The following CXCL13 variants were observed in gnomAD, a reference collection of about 807,000 sequenced individuals.
The protein encoded by CXCL13 is C-X-C motif chemokine ligand 13, also known as C-X-C motif chemokine 13.
In CXCL13, 7 loss-of-function variants were observed where a neutral mutation model predicts 12.2. That is an observed-to-expected ratio of 0.57 (90% CI 0.33 to 1.07). The LOEUF is 1.07. Ranked by LOEUF, CXCL13 falls within the 50% of genes least tolerant of loss-of-function variation. The pLI is 0.04. For synonymous variants in CXCL13, 47 were observed against 42.4 expected (o/e 1.11, Z -0.42); for missense variants, 113 against 127.4 (o/e 0.89, Z 0.55).
intron 1 of CXCL13, among the ~76,000 whole-genome samples, chr4:77,531,568 G>T (rs1225705844): frequency 1.3e-5 from 2 of 151,964 alleles, no homozygotes; most frequent in Admixed American, 6.6e-5. Context: ...AGGTCCACTT[G>T]GTGCAGAGCT....
chr4:77,584,675 G>A (rs1726411429), intron 1 of CXCL13, among the ~76,000 whole-genome samples: 1 of 152,156 alleles, frequency 6.6e-6, no homozygotes, highest in African/African-American at 2.4e-5. Context: ...GAAGGAGCAT[G>A]ATGATCAGCC....
chr4:77,587,424 G>A (rs148220567), intron 1 of CXCL13, among the ~76,000 whole-genome samples: 1 of 152,288 alleles, frequency 6.6e-6, no homozygotes, highest in Non-Finnish European at 1.5e-5. Context: ...GAAGCTCACA[G>A]TCCAGCTAAG....
At chr4:77,535,429 A>G (rs954256282) in intron 1 of CXCL13, among the ~76,000 whole-genome samples, 1 of 152,240 alleles carries the variant, frequency 6.6e-6, no homozygotes, top group Non-Finnish European at 1.5e-5. Flanking sequence ...TATTTTCCAA[A>G]GATGACTGCA....
At chr4:77,569,071 A>G (rs1726004295) in intron 1 of CXCL13, among the ~76,000 whole-genome samples, 1 of 152,172 alleles carries the variant, frequency 6.6e-6, no homozygotes, top group Non-Finnish European at 1.5e-5. Flanking sequence ...ATTGGAGCAA[A>G]TTCAAATGAG....
chr4:77,567,431 CA>C (rs1560528354), intron 1 of CXCL13, among the ~76,000 whole-genome samples: 1 of 152,204 alleles, frequency 6.6e-6, no homozygotes, highest in African/African-American at 2.4e-5. Context: ...ACTCTCCACA[CA>C]AATACTTACT....
At chr4:77,597,188 A>G (rs965919020) in intron 1 of CXCL13, among the ~76,000 whole-genome samples, 1 of 152,190 alleles carries the variant, frequency 6.6e-6, no homozygotes, top group Non-Finnish European at 1.5e-5. Context: ...AAAATGATAG[A>G]TTACTTAAAA....
rs544305733 is a variant in CXCL13 at position 77,572,578 on chromosome 4, CA to C, written c.-42-33237del. Among the ~76,000 whole-genome samples, 1,266 of 148,214 alleles carry C rather than the reference CA, an allele frequency of 8.5e-3. 36 individuals are homozygous for C. Among genetic ancestry groups the C allele is most frequent in the African/African-American group, 0.03 (1,185 of 40,086 alleles). On this transcript the variant is annotated intron_variant, in intron 1 of 4. Transcript: ENST00000286758. ...GTCAGAATGGCTATTATTAAGAAGT[CA>C]AAAAAAAATAGATGTTCGTGAGGTT... is the stretch of plus-strand genomic sequence containing the variant.
chr4:77,546,382 C>T (rs1333752319), intron 1 of CXCL13, among the ~76,000 whole-genome samples: 3 of 152,052 alleles, frequency 2.0e-5, no homozygotes, highest in African/African-American at 7.2e-5. Flanking sequence ...TGGTCCTGGA[C>T]TTTTTTGGTT....
intron 1 of CXCL13, among the ~76,000 whole-genome samples, chr4:77,550,451 C>A (rs947581030): frequency 6.7e-6 from 1 of 150,310 alleles, no homozygotes; most frequent in African/African-American, 2.5e-5. Context: ...TAGACGGGAG[C>A]TGTAGACTGG....
At chr4:77,513,871 T>C (rs1724337094) in intron 1 of CXCL13, among the ~76,000 whole-genome samples, 1 of 151,908 alleles carries the variant, frequency 6.6e-6, no homozygotes, top group African/African-American at 2.4e-5. Context: ...TAGTTACATA[T>C]GTATACATGT....
At chr4:77,527,412 A>C (rs1724794763) in intron 1 of CXCL13, among the ~76,000 whole-genome samples, 1 of 152,136 alleles carries the variant, frequency 6.6e-6, no homozygotes, top group Admixed American at 6.5e-5. Flanking sequence ...CGGGTGGATT[A>C]ATTGAGCTCA....
chr4:77,546,624 G>T (rs553056612), intron 1 of CXCL13, among the ~76,000 whole-genome samples: 1 of 152,130 alleles, frequency 6.6e-6, no homozygotes, highest in South Asian at 2.1e-4. Flanking sequence ...GCATCTATTT[G>T]ATTCTTCTCT....
rs1044655015 is a variant in CXCL13 at position 77,561,156 on chromosome 4, G to T, written c.-42-44668G>T. Among the ~76,000 whole-genome samples, 71 of 152,262 alleles carry T rather than the reference G, an allele frequency of 4.7e-4. 1 individual carries two copies. Among genetic ancestry groups the T allele is most frequent in the African/African-American group, 1.7e-3 (69 of 41,550 alleles). ...TATTGTATGATCTATTGTACCTAGTGACTAAAGTGAAATTTTAGAATGGTT... is the reference window on the plus strand; with the variant it reads ...TATTGTATGATCTATTGTACCTAGTTACTAAAGTGAAATTTTAGAATGGTT... On this transcript the variant is annotated intron_variant, in intron 1 of 4. Coordinates refer to the CXCL13 transcript ENST00000286758.
intron 1 of CXCL13, among the ~76,000 whole-genome samples, chr4:77,537,144 T>C (rs1725078104): frequency 6.6e-6 from 1 of 152,272 alleles, no homozygotes; most frequent in Admixed American, 6.5e-5. Flanking sequence ...TATAAAAACA[T>C]GAGCAAGGCA....
intron 1 of CXCL13, among the ~76,000 whole-genome samples, chr4:77,581,201 T>C (rs1223377942): frequency 6.6e-6 from 1 of 152,196 alleles, no homozygotes; most frequent in Non-Finnish European, 1.5e-5. Context: ...TGGAAATTTC[T>C]AAAAGCAGTT....
chr4:77,514,085 T>C (rs1054690864), intron 1 of CXCL13, among the ~76,000 whole-genome samples: 2 of 152,072 alleles, frequency 1.3e-5, no homozygotes, highest in East Asian at 1.9e-4. Context: ...AATAGTTTAC[T>C]GAGAATGATG....
intron 1 of CXCL13, among the ~76,000 whole-genome samples, chr4:77,532,839 G>A (rs146618365): frequency 1.1e-4 from 16 of 152,108 alleles, no homozygotes; most frequent in African/African-American, 1.4e-4. Context: ...CAATCAAGTC[G>A]GCTACTGAGG....
At chr4:77,520,100 C>T (rs1466599048) in intron 1 of CXCL13, among the ~76,000 whole-genome samples, 6 of 152,172 alleles carry the variant, frequency 3.9e-5, no homozygotes, top group Non-Finnish European at 8.8e-5. Context: ...CAGTACCATG[C>T]TGTTTTGGAT....
chr4:77,516,584 T>C (rs2110077862), intron 1 of CXCL13, among the ~76,000 whole-genome samples: 1 of 152,328 alleles, frequency 6.6e-6, no homozygotes, highest in Non-Finnish European at 1.5e-5. Flanking sequence ...GATTTTCTAG[T>C]TTATTTGCAT....
Sources: gnomAD v4.1 joint callset for allele counts (sites outside exome capture counted in the v4.1 genomes callset) on GRCh38, gnomAD v4.1.1 for gene constraint, MANE v1.5 for transcripts, NCBI Gene and HGNC (gene_info 2026-07-23, HGNC 2026-07-21) for gene names.